Variants in DNAL1 observed in about 807,000 individuals in gnomAD.
DNAL1 encodes the protein chromosome 14 open reading frame 168.
In DNAL1, 17 loss-of-function variants were observed where a neutral mutation model predicts 29.4. That is an observed-to-expected ratio of 0.58 (90% CI 0.40 to 0.87). The LOEUF (loss-of-function observed/expected upper bound fraction) is 0.87. Among genes scored for constraint, DNAL1 ranks in the 40% least tolerant of loss-of-function variants. DNAL1 has a pLI of 0.00. For missense variants in DNAL1, 188 were observed against 214.1 expected, an observed-to-expected ratio of 0.88 and a Z score of 0.76; for synonymous variants, 78 against 76.3, an observed-to-expected ratio of 1.02 and a Z score of -0.12.
intron 5 of DNAL1, among the ~76,000 whole-genome samples, chr14:73,687,002 G>A (rs7160959): frequency 6.1e-4 from 89 of 144,850 alleles, no homozygotes; most frequent in Non-Finnish European, 1.2e-3. Flanking sequence ...AACGTATTAT[G>A]TTTTGTGATT....
Position 73,679,492 on chromosome 14 carries a change from CAAAA to C in DNAL1, c.265-7764_265-7761del, listed in dbSNP as rs372951045. Among the ~76,000 whole-genome samples the C allele has an allele frequency of 4.4e-3, 666 of 151,794 alleles. 1 individual carries two copies. The highest frequency in any genetic ancestry group is 0.015 in the African/African-American group (632 of 41,380). On this transcript the variant is annotated intron_variant, in intron 5 of 7. Transcript: ENST00000553645. ...ACTGAGAGATAATTGGATAAACAAA[CAAAA>C]AAGAAGCTAATGAAGTAGAGGGGAA...
intron 2 of DNAL1, 117 bp downstream of exon 2, chr14:73,655,002 T>C: frequency 1.9e-6 from 2 of 1,067,248 alleles, no homozygotes; most frequent in Non-Finnish European, 2.7e-6. Flanking sequence ...TATTCAGCTA[T>C]CTTGTCTATG....
At chr14:73,646,116 G>GA (rs1427031142) in intron 1 of DNAL1, among the ~76,000 whole-genome samples, 4 of 152,176 alleles carry the variant, frequency 2.6e-5, no homozygotes, top group African/African-American at 9.7e-5. Context: ...GCAGTTAGCT[G>GA]AAAATCACTG....
chr14:73,677,881 TA>T (rs370235237), intron 5 of DNAL1, among the ~76,000 whole-genome samples: 33,233 of 121,676 alleles, frequency 0.27, 4,507 homozygotes, highest in Non-Finnish European at 0.33. Flanking sequence ...TATATATATA[TA>T]TTTGTGTGTG....
Position 73,685,869 on chromosome 14 carries a change from A to G in DNAL1, c.265-1390A>G, listed in dbSNP as rs551673064. ...CTTGGGTCACGTCCATCTTTTGGCT[A>G]TTGTGAATTTGCTACTGTGAACATG... On this transcript the variant is annotated intron_variant, in intron 5 of 7. Coordinates refer to ENST00000553645, the MANE Select transcript of DNAL1 (RefSeq NM_031427.4). Among the ~76,000 whole-genome samples the G allele has an allele frequency of 7.9e-5, 12 of 152,200 alleles. No homozygotes were observed. In the South Asian group the frequency reaches 1.7e-3, roughly 21 times the overall value.
chr14:73,677,362 G>T (rs1253214684), intron 5 of DNAL1, among the ~76,000 whole-genome samples: 4 of 151,062 alleles, frequency 2.6e-5, no homozygotes, highest in African/African-American at 9.7e-5. Context: ...TAGAGGCAGG[G>T]TCTCGCTATG....
chr14:73,670,922 G>T (rs1891603312), intron 4 of DNAL1, among the ~76,000 whole-genome samples: 2 of 151,724 alleles, frequency 1.3e-5, no homozygotes, highest in South Asian at 4.2e-4. Context: ...ATTTTTAGTA[G>T]AGACGGGGTT....
chr14:73,646,731 C>T (rs1890984214), intron 1 of DNAL1, among the ~76,000 whole-genome samples: 1 of 152,144 alleles, frequency 6.6e-6, no homozygotes, highest in Non-Finnish European at 1.5e-5. Flanking sequence ...CACTGCACTC[C>T]AGCCTGAGCA....
intron 1 of DNAL1, among the ~76,000 whole-genome samples, chr14:73,646,805 T>C (rs562869729): frequency 5.3e-5 from 8 of 152,160 alleles, no homozygotes; most frequent in Admixed American, 3.9e-4. Context: ...AGTATTACAA[T>C]CTTATGTAAC....
At chr14:73,667,154 CTT>C (rs879701423) in intron 4 of DNAL1, among the ~76,000 whole-genome samples, 1 of 143,952 alleles carries the variant, frequency 6.9e-6, no homozygotes, top group African/African-American at 2.5e-5. Flanking sequence ...TTGATTTTTT[CTT>C]TTTTTTTTTT....
At position 73,698,508 on chromosome 14, in the gene DNAL1, T is replaced by G. The variant is rs1892352984; in HGVS notation, c.*2566T>G. ...CGCCATTTTAGTGGATCATTTAAAT[T>G]TTTTCTATTCTGTTTTTTTTTGTTT... On this transcript the variant is annotated 3_prime_UTR_variant, in exon 8 of 8. Coordinates refer to ENST00000553645, the MANE Select transcript of DNAL1 (RefSeq NM_031427.4). 1 of 151,894 alleles carries G rather than the reference T, an allele frequency of 6.6e-6. No homozygotes were observed. The highest frequency in any genetic ancestry group is 6.6e-5 in the Admixed American group (1 of 15,212). The allele number at this position is 151,894 out of a possible 1,614,324, so 9.4% of individuals were successfully genotyped here. A position where few individuals can be genotyped will look rare whatever the true frequency, so the allele number is the denominator to read the frequency against.
At chr14:73,656,425 C>T (rs773083933) in intron 2 of DNAL1, among the ~76,000 whole-genome samples, 1 of 147,572 alleles carries the variant, frequency 6.8e-6, no homozygotes, top group Non-Finnish European at 1.5e-5. Flanking sequence ...TATGGCCATA[C>T]ATTTTTGACT....
chr14:73,654,371 G>C (rs1439470116), intron 1 of DNAL1, among the ~76,000 whole-genome samples: 1 of 152,068 alleles, frequency 6.6e-6, no homozygotes, highest in Non-Finnish European at 1.5e-5. Context: ...CGTCCTCTTT[G>C]CATATAAAGT....
At chr14:73,677,268 C>G (rs1207795385) in intron 5 of DNAL1, among the ~76,000 whole-genome samples, 2 of 152,092 alleles carry the variant, frequency 1.3e-5, no homozygotes, top group Admixed American at 1.3e-4. Flanking sequence ...CCGCGCCCAG[C>G]CAGTAGTATT....
Position 73,662,031 on chromosome 14 carries a change from T to G in DNAL1, c.197T>G (p.Leu66Arg). 6.4e-7 allele frequency: 1 copy of G among 1,561,980 alleles called. No homozygotes were observed. Among genetic ancestry groups the G allele is most frequent in the Non-Finnish European group, 8.7e-7 (1 of 1,151,828 alleles). ...AACTGCATTGAAAAAATTGCCAACC[T>G]GAATGGCTTAAGTAAGTGATTCACA... ...STNCIEKIAN[L>R]NGLKNLRILS... is the part of the protein sequence containing the mutation. Residue 66 changes from leucine (L) to arginine (R), a missense_variant, in exon 4 of 8, where the codon CTG (leucine) becomes CGG (arginine). Leu to Arg is a moderately radical substitution (Grantham distance 102). Coordinates refer to ENST00000553645, the MANE Select transcript of DNAL1 (RefSeq NM_031427.4).
In DNAL1 at chr14:73,652,195, A is replaced by G. The variant is rs536677172; in HGVS notation, c.4-2652A>G. On this transcript the variant is annotated intron_variant, in intron 1 of 7. Transcript: ENST00000553645. ...CCAGCCCCCCAGTAGCTGTAACTAC[A>G]GGTGCCTTCCACTATGCCTGGCTAA... Among the ~76,000 whole-genome samples, 8 of 152,070 alleles carry G rather than the reference A, an allele frequency of 5.3e-5. No homozygotes were observed. In the East Asian group the frequency reaches 1.6e-3, roughly 29 times the overall value.
At chr14:73,665,964 A>G (rs150348322) in intron 4 of DNAL1, among the ~76,000 whole-genome samples, 2 of 152,206 alleles carry the variant, frequency 1.3e-5, no homozygotes, top group African/African-American at 2.4e-5. Flanking sequence ...TCAATTATTC[A>G]TGTCTGCTGT....
Position 73,698,705 on chromosome 14 carries a change from A to G in DNAL1, c.*2763A>G, listed in dbSNP as rs1892361267. 6.6e-6 allele frequency: 1 copy of G among 152,062 alleles called. No individual in the cohort carries two copies. The highest frequency in any genetic ancestry group is 1.5e-5 in the Non-Finnish European group (1 of 68,030). The allele number at this position is 152,062 out of a possible 1,614,324, so 9.4% of individuals were successfully genotyped here. The stretch of plus-strand genomic sequence containing the variant: ...ATGACCTGCCCACATCGGCCTCCCA[A>G]AGTGCTGGGATTACAGGCATGAGCC... On this transcript the variant is annotated 3_prime_UTR_variant, in exon 8 of 8. Transcript: ENST00000553645.
chr14:73,690,693 A>T (rs957902885), intron 7 of DNAL1, among the ~76,000 whole-genome samples: 1 of 152,030 alleles, frequency 6.6e-6, no homozygotes. Context: ...TCCAGACAAC[A>T]TAAAGTTCCA....
Sources: gnomAD v4.1 joint callset for allele counts (sites outside exome capture counted in the v4.1 genomes callset) on GRCh38, gnomAD v4.1.1 for gene constraint, MANE v1.5 for transcripts, NCBI Gene and HGNC (gene_info 2026-07-23, HGNC 2026-07-21) for gene names.